Variants in GNG12 observed in about 807,000 individuals in gnomAD.
GNG12 encodes the protein G protein subunit gamma 12, also known as guanine nucleotide-binding protein G(I)/G(S)/G(O) subunit gamma-12.
For missense variants in GNG12, 69 were observed against 83.8 expected (o/e 0.82, Z 0.69); for synonymous variants, 28 against 29.7 (o/e 0.94, Z 0.19).
At chr1:67,781,552 T>G (rs1179711206) in intron 1 of GNG12, among the ~76,000 whole-genome samples, 1 of 152,142 alleles carries the variant, frequency 6.6e-6, no homozygotes, top group Non-Finnish European at 1.5e-5. Context: ...TTCTACAATT[T>G]TTTTCATACA....
At chr1:67,799,768 A>G (rs568186160) in intron 1 of GNG12, among the ~76,000 whole-genome samples, 8 of 152,338 alleles carry the variant, frequency 5.3e-5, no homozygotes, top group African/African-American at 1.7e-4. Context: ...TCTTGGCAAA[A>G]ACATTTATAA....
intron 1 of GNG12, among the ~76,000 whole-genome samples, chr1:67,813,588 C>T (rs1364853315): frequency 6.6e-6 from 1 of 152,120 alleles, no homozygotes; most frequent in Admixed American, 6.5e-5. Context: ...ACATTTAACA[C>T]TTTTTAAAAG....
chr1:67,713,591 A>G (rs1176553907), intron 2 of GNG12, among the ~76,000 whole-genome samples: 3 of 152,170 alleles, frequency 2.0e-5, no homozygotes, highest in Non-Finnish European at 4.4e-5. Context: ...CCAGTAATTG[A>G]ATCACTGGAG....
chr1:67,761,239 C>A (rs927200089), intron 2 of GNG12, among the ~76,000 whole-genome samples: 5 of 152,224 alleles, frequency 3.3e-5, no homozygotes, highest in African/African-American at 1.2e-4. Flanking sequence ...TGAATGCTTA[C>A]TCTGTGCCAC....
chr1:67,783,055 T>C (rs2100771600), intron 1 of GNG12, among the ~76,000 whole-genome samples: 1 of 152,310 alleles, frequency 6.6e-6, no homozygotes, highest in South Asian at 2.1e-4. Context: ...ATAGGGCTAA[T>C]ATTACCTTTT....
At chr1:67,721,287 C>A (rs1332381877) in intron 2 of GNG12, among the ~76,000 whole-genome samples, 1 of 152,174 alleles carries the variant, frequency 6.6e-6, no homozygotes, top group African/African-American at 2.4e-5. Context: ...AAGGAAGGAG[C>A]CCCAGAGTGG....
At chr1:67,755,368 T>G (rs1646562039) in intron 2 of GNG12, among the ~76,000 whole-genome samples, 1 of 152,244 alleles carries the variant, frequency 6.6e-6, no homozygotes, top group Non-Finnish European at 1.5e-5. Flanking sequence ...TCACTTCCTA[T>G]TTTGTCTTAG....
In GNG12 at chr1:67,704,239, C is replaced by T. The variant is rs1206681493; in HGVS notation, c.*1212G>A. On this transcript the variant is annotated 3_prime_UTR_variant, in exon 4 of 4. Coordinates refer to ENST00000370982, the MANE Select transcript of GNG12 (RefSeq NM_018841.6). Reference sequence around the variant, plus strand: ...AAGGCTCTCTTGGGTAGCCTATGTGCCTCTTGGATGGTATGTGAACAAGGT... The same window carrying T: ...AAGGCTCTCTTGGGTAGCCTATGTGTCTCTTGGATGGTATGTGAACAAGGT... 3.3e-5 allele frequency: 5 copies of T among 152,188 alleles called. No individual in the cohort carries two copies. The highest frequency in any genetic ancestry group is 9.7e-5 in the African/African-American group (4 of 41,434). The allele number at this position is 152,188 out of a possible 1,614,324, so 9.4% of individuals were successfully genotyped here.
chr1:67,766,410 T>A (rs543597075), intron 2 of GNG12, among the ~76,000 whole-genome samples: 4 of 152,076 alleles, frequency 2.6e-5, no homozygotes, highest in African/African-American at 9.7e-5. Context: ...TTCTTCTCAA[T>A]ACATTTCACT....
At chr1:67,733,380 T>C (rs1300327592) in intron 2 of GNG12, among the ~76,000 whole-genome samples, 1 of 152,250 alleles carries the variant, frequency 6.6e-6, no homozygotes, top group African/African-American at 2.4e-5. Context: ...TATAGTCTTT[T>C]TCTTTCAAAC....
intron 2 of GNG12, among the ~76,000 whole-genome samples, chr1:67,776,482 T>G (rs979402005): frequency 2.0e-5 from 3 of 152,148 alleles, no homozygotes; most frequent in East Asian, 1.9e-4. Context: ...CTGGAAACAA[T>G]GTTGTGTGAA....
chr1:67,803,368 T>C (rs1372914190), intron 1 of GNG12, among the ~76,000 whole-genome samples: 2 of 152,012 alleles, frequency 1.3e-5, no homozygotes, highest in Non-Finnish European at 2.9e-5. Flanking sequence ...AAAAAAAATT[T>C]TTTTTAAGTT....
chr1:67,760,481 G>A (rs1474813389), intron 2 of GNG12, among the ~76,000 whole-genome samples: 3 of 152,156 alleles, frequency 2.0e-5, no homozygotes, highest in African/African-American at 7.2e-5. Context: ...TGCCCGAAAA[G>A]GCTGATGGAC....
chr1:67,765,160 A>G (rs1314702696), intron 2 of GNG12, among the ~76,000 whole-genome samples: 2 of 152,206 alleles, frequency 1.3e-5, no homozygotes, highest in African/African-American at 4.8e-5. Context: ...ATAATAATCT[A>G]TAAAATGTAT....
intron 2 of GNG12, among the ~76,000 whole-genome samples, chr1:67,726,828 T>C (rs1646389121): frequency 6.6e-6 from 1 of 152,200 alleles, no homozygotes; most frequent in African/African-American, 2.4e-5. Flanking sequence ...TCATCATTCT[T>C]GTACTTGTGA....
intron 2 of GNG12, among the ~76,000 whole-genome samples, chr1:67,754,848 T>G (rs1050623719): frequency 6.6e-6 from 1 of 152,156 alleles, no homozygotes; most frequent in Non-Finnish European, 1.5e-5. Context: ...TAGCAGGCAC[T>G]CCAGCCTGCT....
chr1:67,724,836 T>C (rs1239996243), intron 2 of GNG12, among the ~76,000 whole-genome samples: 4 of 152,204 alleles, frequency 2.6e-5, no homozygotes, highest in African/African-American at 9.7e-5. Context: ...ACTTCAACAA[T>C]TAAACTGCAT....
At chr1:67,829,372 C>T (rs993951645) in intron 1 of GNG12, among the ~76,000 whole-genome samples, 23 of 152,250 alleles carry the variant, frequency 1.5e-4, no homozygotes, top group African/African-American at 5.3e-4. Flanking sequence ...CAAACCATTT[C>T]ACATTTAAAA....
At chr1:67,819,106 A>G (rs2100819331) in intron 1 of GNG12, among the ~76,000 whole-genome samples, 1 of 152,224 alleles carries the variant, frequency 6.6e-6, no homozygotes, top group East Asian at 1.9e-4. Context: ...TCCAGGTGAG[A>G]GGCATGGGGG....
Sources: allele counts gnomAD v4.1 joint callset (sites outside exome capture counted in the v4.1 genomes callset), GRCh38; gene constraint gnomAD v4.1.1; transcripts MANE v1.5; gene names NCBI Gene and HGNC (gene_info 2026-07-23, HGNC 2026-07-21).